Variants in NUDCD3 observed in about 807,000 individuals in gnomAD.
NUDCD3 encodes nudC domain-containing protein 3.
Under a neutral mutation model 39.7 loss-of-function variants are expected in NUDCD3, and 13 were observed. That is an observed-to-expected ratio of 0.33 (90% CI 0.21 to 0.52). The LOEUF (loss-of-function observed/expected upper bound fraction) is 0.52. NUDCD3 is among the 20% of genes least tolerant of loss of function. The pLI, the probability that NUDCD3 is intolerant of heterozygous loss-of-function variation, is 0.96. For missense variants in NUDCD3, 453 were observed against 458.1 expected (o/e 0.99, Z 0.10); for synonymous variants, 175 against 172.4 (o/e 1.02, Z -0.12).
At chr7:44,427,456 C>A in intron 3 of NUDCD3, 115 bp downstream of exon 3, 5 of 1,161,880 alleles carry the variant, frequency 4.3e-6, no homozygotes, top group South Asian at 1.5e-5. Flanking sequence ...AAGGAACACA[C>A]CTCACATCCT....
Position 44,490,587 on chromosome 7 carries a change from G to A in NUDCD3, c.14C>T (p.Ala5Val), listed in dbSNP as rs373059594. Residue 5 changes from alanine (A) to valine (V), a missense_variant, in exon 1 of 6, where the codon GCG becomes GTG. By Grantham distance (64) the Ala-to-Val change is moderately conservative. Coordinates refer to ENST00000355451, the MANE Select transcript of NUDCD3 (RefSeq NM_015332.4). METG[A>V]AELYDQALLG... ...AAGGGCCTGGTCATACAGCTCGGCC[G>A]CCCCTGTCTCCATGTCGCCTCCCGC... is the stretch of plus-strand genomic sequence containing the variant. The A allele has an allele frequency of 1.1e-4, 183 of 1,608,326 alleles. 2 individuals are homozygous for A. The East Asian group carries it at 3.1e-3, about 27-fold the overall frequency.
At chr7:44,466,559 A>T (rs1309780808) in intron 2 of NUDCD3, among the ~76,000 whole-genome samples, 1 of 152,198 alleles carries the variant, frequency 6.6e-6, no homozygotes, top group African/African-American at 2.4e-5. Context: ...AGGCTCAGCC[A>T]TGTGGTTCTG....
chr7:44,462,533 GATTAT>G (rs1345255596), intron 2 of NUDCD3, among the ~76,000 whole-genome samples: 3 of 152,224 alleles, frequency 2.0e-5, no homozygotes, highest in Non-Finnish European at 2.9e-5. Flanking sequence ...TCATAAAGCA[GATTAT>G]TCCAACTTTT....
chr7:44,466,033 AAGCCTGGGTGGCAC>A (rs1187558468), intron 2 of NUDCD3, among the ~76,000 whole-genome samples: 1 of 152,148 alleles, frequency 6.6e-6, no homozygotes, highest in African/African-American at 2.4e-5. Flanking sequence ...AGGACCATGG[AAGCCTGGGTGGCAC>A]AGCCACCCAA....
chr7:44,392,419 T>C lies in NUDCD3; in HGVS notation c.853A>G (p.Ile285Val), dbSNP rs771366456. Residue 285 changes from isoleucine to valine, a missense_variant, in exon 5 of 6, where the codon ATT becomes GTT. By Grantham distance (29) the Ile-to-Val change is conservative (BLOSUM62 3). Coordinates refer to ENST00000355451, the MANE Select transcript of NUDCD3 (RefSeq NM_015332.4). ...GAGCGCTCCTTGTTGATCTTGTCAA[T>C]GTCGATGGGCTCTTCTCCCTCCAGG... is the stretch of plus-strand genomic sequence containing the variant. ...AILEGEEPID[I>V]DKINKERSMA... The C allele has an allele frequency of 9.3e-6, 15 of 1,614,128 alleles. No individual in the cohort carries two copies. The highest frequency in any genetic ancestry group is 1.3e-5 in the Non-Finnish European group (15 of 1,180,002).
At chr7:44,413,851 A>G (rs1166932285) in intron 3 of NUDCD3, among the ~76,000 whole-genome samples, 1 of 152,180 alleles carries the variant, frequency 6.6e-6, no homozygotes, top group African/African-American at 2.4e-5. Flanking sequence ...CCAGGAGTAC[A>G]AGACCAGCTT....
At chr7:44,479,355 T>C (rs745921627) in intron 2 of NUDCD3, among the ~76,000 whole-genome samples, 5 of 152,176 alleles carry the variant, frequency 3.3e-5, no homozygotes, top group Admixed American at 6.5e-5. Flanking sequence ...CACAAAACAA[T>C]TGTCTGTATA....
chr7:44,439,248 A>G (rs1433920504), intron 2 of NUDCD3, among the ~76,000 whole-genome samples: 1 of 152,216 alleles, frequency 6.6e-6, no homozygotes, highest in East Asian at 1.9e-4. Flanking sequence ...TGTCAGGGAC[A>G]CATCTACTCC....
chr7:44,460,998 G>A (rs1799998056), intron 2 of NUDCD3, among the ~76,000 whole-genome samples: 1 of 152,156 alleles, frequency 6.6e-6, no homozygotes. Context: ...ACATATCCTA[G>A]GTAGTCCTAG....
chr7:44,413,048 T>C (rs1476808402), intron 3 of NUDCD3: 1 of 150,424 alleles, frequency 6.6e-6, no homozygotes, highest in African/African-American at 2.5e-5. Flanking sequence ...AGAGTTCAAA[T>C]AACTGACCAA....
At chr7:44,473,249 CATTTT>C (rs896693815) in intron 2 of NUDCD3, among the ~76,000 whole-genome samples, 4 of 152,302 alleles carry the variant, frequency 2.6e-5, no homozygotes, top group South Asian at 2.1e-4. Context: ...AGGACCCAAG[CATTTT>C]ATTTTATTTT....
chr7:44,482,152 C>A (rs922648232), intron 2 of NUDCD3, among the ~76,000 whole-genome samples: 1 of 152,208 alleles, frequency 6.6e-6, no homozygotes, highest in Non-Finnish European at 1.5e-5. Flanking sequence ...GGAGGCTGCG[C>A]ATAGAAAGAA....
At chr7:44,470,549 G>A (rs1800234010) in intron 2 of NUDCD3, among the ~76,000 whole-genome samples, 1 of 152,206 alleles carries the variant, frequency 6.6e-6, no homozygotes, top group African/African-American at 2.4e-5. Context: ...CAAAAACTCA[G>A]GTCACTCCAA....
chr7:44,484,438 G>A (rs1416145054), intron 2 of NUDCD3: 1 of 152,860 alleles, frequency 6.5e-6, no homozygotes, highest in Non-Finnish European at 1.5e-5. Flanking sequence ...CTATGAGACA[G>A]GTACTATTAT....
chr7:44,404,343 T>C, intron 4 of NUDCD3, 97 bp downstream of exon 4: 1 of 1,265,352 alleles, frequency 7.9e-7, no homozygotes, highest in Non-Finnish European at 1.1e-6. Context: ...ATTAACAACC[T>C]CACTGCTTAA....
At chr7:44,425,557 C>G (rs972959896) in intron 3 of NUDCD3, among the ~76,000 whole-genome samples, 2 of 152,186 alleles carry the variant, frequency 1.3e-5, no homozygotes, top group Non-Finnish European at 2.9e-5. Context: ...GTAGACATCT[C>G]TCTCCCACTA....
chr7:44,484,942 G>A (rs1410242185), intron 2 of NUDCD3, 26 bp downstream of exon 2: 1 of 1,539,612 alleles, frequency 6.5e-7, no homozygotes, highest in South Asian at 1.2e-5. Flanking sequence ...CAAGAAAGAA[G>A]GAAGCTGCAA....
At chr7:44,443,944 T>C (rs1211720824) in intron 2 of NUDCD3, among the ~76,000 whole-genome samples, 1 of 152,174 alleles carries the variant, frequency 6.6e-6, no homozygotes, top group Non-Finnish European at 1.5e-5. Flanking sequence ...CAAGCAAAAA[T>C]GTACAACTGG....
chr7:44,401,414 T>C (rs919041153), intron 4 of NUDCD3, among the ~76,000 whole-genome samples: 2 of 152,234 alleles, frequency 1.3e-5, no homozygotes, highest in African/African-American at 2.4e-5. Flanking sequence ...GTTTCTGTGA[T>C]ATACTCTGTG....
Sources: gnomAD v4.1 joint callset for allele counts (sites outside exome capture counted in the v4.1 genomes callset) on GRCh38, gnomAD v4.1.1 for gene constraint, MANE v1.5 for transcripts, NCBI Gene and HGNC (gene_info 2026-07-23, HGNC 2026-07-21) for gene names.